EPG5: variants seen among roughly 807,000 people sequenced by gnomAD.
The protein encoded by EPG5 is ectopic P-granules 5 autophagy tethering factor.
A neutral mutation model predicts 302.7 loss-of-function variants in EPG5; 159 were observed. The observed-to-expected ratio is 0.53, with a 90% CI of 0.46 to 0.60. EPG5 has a LOEUF of 0.60. Ranked by LOEUF, EPG5 falls within the 20% of genes least tolerant of loss-of-function variation. The pLI, the probability that EPG5 is intolerant of heterozygous loss-of-function variation, is 0.00. For missense variants in EPG5, 2,896 were observed against 3,092.4 expected (o/e 0.94, Z 1.51); for synonymous variants, 1,158 against 1,136.8 (o/e 1.02, Z -0.37).
chr18:45,874,209 T>A (rs1770550505), intron 35 of EPG5, among the ~76,000 whole-genome samples: 1 of 152,230 alleles, frequency 6.6e-6, no homozygotes, highest in Non-Finnish European at 1.5e-5. Context: ...AACAAATGTA[T>A]CACCCTGGTG....
the EPG5 span, chr18:45,838,999 G>A: frequency 2.5e-6 from 4 of 1,596,270 alleles, no homozygotes; most frequent in Non-Finnish European, 2.6e-6. Context: ...TGGCGCCAGC[G>A]GGGCCTCGAC....
intron 26 of EPG5, among the ~76,000 whole-genome samples, chr18:45,899,895 G>GGGTGCCTTA (rs2145579152): frequency 1.3e-5 from 2 of 152,228 alleles, no homozygotes; most frequent in African/African-American, 4.8e-5. Flanking sequence ...CACCCTCAAG[G>GGGTGCCTTA]GGTGCCTTAA....
intron 24 of EPG5, among the ~76,000 whole-genome samples, chr18:45,904,871 A>G (rs1439451948): frequency 6.6e-6 from 1 of 152,222 alleles, no homozygotes; most frequent in Non-Finnish European, 1.5e-5. Flanking sequence ...CCTATCTTTT[A>G]AAATCTTCAT....
chr18:45,821,027 A>G, the EPG5 span, among the ~76,000 whole-genome samples: 1 of 152,260 alleles, frequency 6.6e-6, no homozygotes, highest in South Asian at 2.1e-4. Flanking sequence ...ATTTCACTGT[A>G]TACATTTGTC....
At position 45,910,518 on chromosome 18, in the gene EPG5, C is replaced by G; in HGVS notation, c.4205+3G>C. On this transcript the variant is annotated splice_donor_region_variant and intron_variant, in intron 23 of 43. Coordinates refer to ENST00000282041, the MANE Select transcript of EPG5 (RefSeq NM_020964.3). Reference sequence around the variant, plus strand: ...ATGTAGGTGGCTAAATAACCATACTCACCTCACCAGCTCCTTGTGCAGTTC... The same window carrying G: ...ATGTAGGTGGCTAAATAACCATACTGACCTCACCAGCTCCTTGTGCAGTTC... 6.3e-7 allele frequency: 1 copy of G among 1,598,102 alleles called. No homozygotes were observed. Among genetic ancestry groups the G allele is most frequent in the Non-Finnish European group, 8.5e-7 (1 of 1,172,764 alleles).
chr18:45,861,404 CA>C (rs1213179114), intron 39 of EPG5, among the ~76,000 whole-genome samples: 1 of 152,228 alleles, frequency 6.6e-6, no homozygotes, highest in African/African-American at 2.4e-5. Context: ...ATTACTACAA[CA>C]GACCCTAGTC....
intron 43 of EPG5, among the ~76,000 whole-genome samples, chr18:45,853,947 T>A (rs914994842): frequency 6.6e-6 from 1 of 152,192 alleles, no homozygotes; most frequent in African/African-American, 2.4e-5. Context: ...AAGACAACTT[T>A]CTTCAAATCT....
At chr18:45,842,105 G>C in the EPG5 span, 1 of 1,614,134 alleles carries the variant, frequency 6.2e-7, no homozygotes, top group East Asian at 2.2e-5. Flanking sequence ...CCTGTCCACA[G>C]GTCCCAGGCC....
chr18:45,904,194 A>C (rs2145612569), intron 24 of EPG5, 77 bp from the exon 25 acceptor site: 22 of 1,507,488 alleles, frequency 1.5e-5, no homozygotes, highest in Non-Finnish European at 1.8e-6. Context: ...TTTAACTATA[A>C]AGTGAACCAG....
chr18:45,849,269 C>A lies in EPG5; in HGVS notation c.*3198G>T, dbSNP rs769214938. On this transcript the variant is annotated 3_prime_UTR_variant, in exon 44 of 44. Transcript: ENST00000282041. ...GGACAGAACCACGACCAATAGGCAA[C>A]GTAGAAACATCTTGGTTCAATAGAA... 1 of 152,166 alleles carries A rather than the reference C, an allele frequency of 6.6e-6. No homozygotes were observed. Among genetic ancestry groups the A allele is most frequent in the Non-Finnish European group, 1.5e-5 (1 of 68,080 alleles). The allele number at this position is 152,166 out of a possible 1,614,324, so 9.4% of individuals were successfully genotyped here.
chr18:45,881,818 T>C (rs1465101493), intron 31 of EPG5, among the ~76,000 whole-genome samples: 5 of 152,168 alleles, frequency 3.3e-5, no homozygotes, highest in Non-Finnish European at 7.3e-5. Context: ...AAAATTAATT[T>C]GCAAAAAACA....
intron 39 of EPG5, among the ~76,000 whole-genome samples, chr18:45,864,525 A>T (rs2048703702): frequency 6.6e-6 from 1 of 152,258 alleles, no homozygotes; most frequent in South Asian, 2.1e-4. Context: ...TTATTCCACT[A>T]TCTTCAATCT....
At chr18:45,964,737 G>A (rs1245615970) in intron 1 of EPG5, among the ~76,000 whole-genome samples, 1 of 152,154 alleles carries the variant, frequency 6.6e-6, no homozygotes, top group Non-Finnish European at 1.5e-5. Context: ...GGAGGCCGAG[G>A]TGGGCAGATC....
At chr18:45,914,970 TAAAA>T (rs11352234) in intron 20 of EPG5, among the ~76,000 whole-genome samples, 1 of 146,280 alleles carries the variant, frequency 6.8e-6, no homozygotes, top group African/African-American at 2.5e-5. Flanking sequence ...TTTTTTAATT[TAAAA>T]AAAAAAAAAA....
chr18:45,928,803 T>C, intron 13 of EPG5, 66 bp downstream of exon 13: 1 of 1,491,564 alleles, frequency 6.7e-7, no homozygotes, highest in Non-Finnish European at 9.2e-7. Flanking sequence ...AACCTTCCTA[T>C]TTTTGCCAAT....
Position 45,884,828 on chromosome 18 carries a change from G to A in EPG5, c.5110-17C>T, listed in dbSNP as rs1205647595. On this transcript the variant is annotated splice_polypyrimidine_tract_variant and intron_variant, in intron 29 of 43. Transcript: ENST00000282041. ...GATAAATACCTTGGAAAAATAAAAA[G>A]GAAAAATGTCACCAGATTCTTCCCT... 2 of 1,495,954 alleles carry A rather than the reference G, an allele frequency of 1.3e-6. No individual in the cohort carries two copies. The highest frequency in any genetic ancestry group is 2.6e-5 in the East Asian group (1 of 38,162). The allele number at this position is 1,495,954 out of a possible 1,614,324, so 92.7% of individuals were successfully genotyped here. A position where few individuals can be genotyped will look rare whatever the true frequency, so the allele number is the denominator to read the frequency against.
At chr18:45,937,298 A>C (rs1341177627) in intron 10 of EPG5, among the ~76,000 whole-genome samples, 1 of 150,116 alleles carries the variant, frequency 6.7e-6, no homozygotes, top group Non-Finnish European at 1.5e-5. Flanking sequence ...ACACACATAC[A>C]CGTATATATT....
At chr18:45,920,409 A>C (rs903086894) in intron 16 of EPG5, among the ~76,000 whole-genome samples, 3 of 152,226 alleles carry the variant, frequency 2.0e-5, no homozygotes, top group African/African-American at 7.2e-5. Flanking sequence ...TCTGCTCATC[A>C]GCCTAGGATG....
intron 32 of EPG5, 148 bp from the exon 33 acceptor site, chr18:45,879,362 G>GT (rs1441070202): frequency 1.6e-6 from 1 of 622,140 alleles, no homozygotes. Context: ...TAAATCAATG[G>GT]TTTTTTGTTT....
Sources: allele counts gnomAD v4.1 joint callset (sites outside exome capture counted in the v4.1 genomes callset), GRCh38; gene constraint gnomAD v4.1.1; transcripts MANE v1.5; gene names NCBI Gene and HGNC (gene_info 2026-07-23, HGNC 2026-07-21).